Variants in NKAIN3 observed in about 807,000 individuals in gnomAD.
NKAIN3 encodes the protein sodium/potassium-transporting ATPase subunit beta-1-interacting protein 3.
NKAIN3 carries 25 observed loss-of-function variants against 30.2 expected under a neutral mutation model. That is an observed-to-expected ratio of 0.83 (90% CI 0.60 to 1.16). NKAIN3 has a LOEUF of 1.16. NKAIN3 is among the 50% of genes most tolerant of loss of function. The probability of loss-of-function intolerance (pLI) is 0.00; values close to 1 mark genes in which losing one functional copy is unlikely to be tolerated. For missense variants in NKAIN3, 225 were observed against 254.1 expected (o/e 0.89, Z 0.78); for synonymous variants, 91 against 89.6 (o/e 1.02, Z -0.09).
chr8:62,536,870 C>T (rs1808681083), intron 1 of NKAIN3, among the ~76,000 whole-genome samples: 1 of 152,058 alleles, frequency 6.6e-6, no homozygotes, highest in South Asian at 2.1e-4. Flanking sequence ...TTCCAGCAAT[C>T]TACGAGGCCC....
In NKAIN3 at chr8:62,361,197, A is replaced by T. The variant is rs73256792; in HGVS notation, c.54+112070A>T. ...TTTATTTAGTTTTAAAGGAAATACA[A>T]CTAATAACATTTATTAAAAGCAATT... On this transcript the variant is annotated intron_variant, in intron 1 of 6. Coordinates refer to ENST00000623646, the MANE Select transcript of NKAIN3 (RefSeq NM_001304533.3). 2.1e-3 allele frequency among the ~76,000 whole-genome samples: 320 copies of T among 152,336 alleles called. 2 individuals are homozygous for T. Among genetic ancestry groups the T allele is most frequent in the African/African-American group, 7.4e-3 (307 of 41,568 alleles).
intron 3 of NKAIN3, among the ~76,000 whole-genome samples, chr8:62,678,601 C>T (rs1813551994): frequency 6.6e-6 from 1 of 151,438 alleles, no homozygotes; most frequent in Non-Finnish European, 1.5e-5. Flanking sequence ...TCATTTCAAA[C>T]ATATTAGTAC....
At chr8:62,594,549 C>T (rs1480193438) in intron 3 of NKAIN3, among the ~76,000 whole-genome samples, 1 of 152,114 alleles carries the variant, frequency 6.6e-6, no homozygotes, top group Non-Finnish European at 1.5e-5. Flanking sequence ...CTTTCCTTAT[C>T]TACAAAGGCC....
chr8:62,964,537 AGTGTGTGTGT>A lies in NKAIN3; in HGVS notation c.604-785_604-776del, dbSNP rs56313500. Among the ~76,000 whole-genome samples, 210 of 133,214 alleles carry A rather than the reference AGTGTGTGTGT, an allele frequency of 1.6e-3. 1 individual carries two copies. Among genetic ancestry groups the A allele is most frequent in the Middle Eastern group, 3.9e-3 (1 of 258 alleles). The allele number at this position is 133,214 out of a possible 152,430, so 87.4% of individuals were successfully genotyped here. ...CCAGTAGAGAAAGAGAGAGAGAGAG[AGTGTGTGTGT>A]GTGTGTGTGTGTGTGTGTGTGTGTG... On this transcript the variant is annotated intron_variant, in intron 6 of 6. Coordinates refer to ENST00000623646, the MANE Select transcript of NKAIN3 (RefSeq NM_001304533.3).
rs1273103612 is a variant in NKAIN3, at chr8:62,976,444, T to C, written c.*11037T>C. 1.3e-5 allele frequency among the ~76,000 whole-genome samples: 2 copies of C among 152,168 alleles called. No homozygotes were observed. Among genetic ancestry groups the C allele is most frequent in the African/African-American group, 4.8e-5 (2 of 41,440 alleles). ...ATCCTTTTACTATTATGTAATGGCC[T>C]TCTGTGTCTGTTTTGATTTTTGTTG... On this transcript the variant is annotated 3_prime_UTR_variant, in exon 7 of 7. Transcript: ENST00000623646.
At chr8:62,999,313 C>T (rs12681818) in exon 6 of NKAIN3, 29,563 of 152,080 alleles carry the variant, frequency 0.19, 2,996 homozygotes, top group East Asian at 0.41. Context: ...GAAGGCAAAG[C>T]GGGAGGAGGC....
intron 4 of NKAIN3, among the ~76,000 whole-genome samples, chr8:62,817,278 A>G (rs1413966085): frequency 6.6e-6 from 1 of 152,058 alleles, no homozygotes; most frequent in African/African-American, 2.4e-5. Flanking sequence ...CACAACCATC[A>G]TTTTTTAAAA....
intron 4 of NKAIN3, among the ~76,000 whole-genome samples, chr8:62,796,355 G>A (rs892438539): frequency 8.7e-6 from 1 of 115,232 alleles, no homozygotes; most frequent in African/African-American, 3.4e-5. Flanking sequence ...CTGAGCTCCA[G>A]CCTGAGCAAC....
intron 1 of NKAIN3, among the ~76,000 whole-genome samples, chr8:62,286,754 G>A (rs1260733791): frequency 1.3e-5 from 2 of 152,030 alleles, no homozygotes; most frequent in Non-Finnish European, 2.9e-5. Flanking sequence ...CCTGACTTGT[G>A]TTCTTTGCCT....
chr8:62,441,622 A>G (rs1197461881), intron 1 of NKAIN3, among the ~76,000 whole-genome samples: 2 of 151,998 alleles, frequency 1.3e-5, no homozygotes, highest in African/African-American at 4.8e-5. Context: ...AACTTCCCAG[A>G]ACTACCTTAT....
intron 1 of NKAIN3, among the ~76,000 whole-genome samples, chr8:62,266,639 G>A (rs1290031602): frequency 5.9e-5 from 9 of 152,082 alleles, no homozygotes; most frequent in Admixed American, 5.9e-4. Flanking sequence ...CTCTGGAGGC[G>A]GGGCTCAGAC....
At chr8:62,609,158 T>C (rs1811213684) in intron 3 of NKAIN3, among the ~76,000 whole-genome samples, 1 of 152,160 alleles carries the variant, frequency 6.6e-6, no homozygotes, top group Admixed American at 6.5e-5. Flanking sequence ...CTACTTTATT[T>C]TTCACTAAAT....
intron 1 of NKAIN3, among the ~76,000 whole-genome samples, chr8:62,387,904 T>C (rs747153963): frequency 1.3e-5 from 2 of 152,218 alleles, no homozygotes; most frequent in Non-Finnish European, 2.9e-5. Context: ...TATGGCTTCT[T>C]GTTATCTTAG....
At chr8:62,443,824 T>C (rs1489459380) in intron 1 of NKAIN3, among the ~76,000 whole-genome samples, 1 of 152,160 alleles carries the variant, frequency 6.6e-6, no homozygotes, top group Non-Finnish European at 1.5e-5. Context: ...ATAGGTAATA[T>C]TTTAGAACAA....
At chr8:62,290,035 T>C (rs1026206586) in intron 1 of NKAIN3, among the ~76,000 whole-genome samples, 1 of 152,154 alleles carries the variant, frequency 6.6e-6, no homozygotes, top group South Asian at 2.1e-4. Context: ...ATGATTTGGC[T>C]CTCTGTTTGT....
chr8:62,930,773 G>T (rs976702930), intron 5 of NKAIN3, among the ~76,000 whole-genome samples: 1 of 149,280 alleles, frequency 6.7e-6, no homozygotes, highest in East Asian at 2.0e-4. Context: ...GCGCGATCTC[G>T]GCTCACTGCA....
intron 3 of NKAIN3, among the ~76,000 whole-genome samples, chr8:62,743,604 G>A (rs936389688): frequency 1.1e-4 from 16 of 152,200 alleles, no homozygotes; most frequent in African/African-American, 2.4e-5. Flanking sequence ...ACTCAGGCAT[G>A]GTGGCTCATG....
At chr8:62,473,655 G>C (rs1370965558) in intron 1 of NKAIN3, among the ~76,000 whole-genome samples, 2 of 151,992 alleles carry the variant, frequency 1.3e-5, no homozygotes, top group Non-Finnish European at 2.9e-5. Context: ...GAACCCTTAG[G>C]GATTTTGAAC....
chr8:62,841,637 G>A (rs1435578132), intron 4 of NKAIN3, among the ~76,000 whole-genome samples: 1 of 152,068 alleles, frequency 6.6e-6, no homozygotes, highest in African/African-American at 2.4e-5. Flanking sequence ...CATCCATCTT[G>A]TCCCAAATGA....
Sources: gnomAD v4.1 joint callset for allele counts (sites outside exome capture counted in the v4.1 genomes callset) on GRCh38, gnomAD v4.1.1 for gene constraint, MANE v1.5 for transcripts, NCBI Gene and HGNC (gene_info 2026-07-23, HGNC 2026-07-21) for gene names.